Variants in KATNBL1 observed in about 807,000 individuals in gnomAD.
KATNBL1 encodes the protein katanin regulatory subunit B1 like 1, also known as KATNB1-like protein 1.
In KATNBL1, 28 loss-of-function variants were observed where a neutral mutation model predicts 44.7. That is an observed-to-expected ratio of 0.63 (90% CI 0.46 to 0.86). The LOEUF is 0.86. KATNBL1 is among the 40% of genes least tolerant of loss of function. KATNBL1 has a pLI of 0.00. For missense variants in KATNBL1, 272 were observed against 350.7 expected (o/e 0.78, Z 1.79); for synonymous variants, 78 against 114.9 (o/e 0.68, Z 2.06).
At chr15:34,175,815 A>C (rs961593671) in intron 1 of KATNBL1, among the ~76,000 whole-genome samples, 1 of 151,738 alleles carries the variant, frequency 6.6e-6, no homozygotes, top group African/African-American at 2.4e-5. Context: ...CAGTGAGCCC[A>C]GATCACGCCA....
In KATNBL1 at chr15:34,155,920, T is replaced by C. The variant is rs574735909; in HGVS notation, c.118-1236A>G. Among the ~76,000 whole-genome samples the C allele has an allele frequency of 5.9e-5, 9 of 152,334 alleles. No homozygotes were observed. In the South Asian group the frequency reaches 1.2e-3, roughly 21 times the overall value. On this transcript the variant is annotated intron_variant, in intron 2 of 9. Transcript: ENST00000256544. ...TACTCCTCGTGGGACTCTAATTGCA[T>C]CTAAATAAATGTGGGAGTCGAAAGA... is the stretch of plus-strand genomic sequence containing the variant.
At chr15:34,188,975 A>T (rs1458991046) in intron 1 of KATNBL1, among the ~76,000 whole-genome samples, 2 of 152,262 alleles carry the variant, frequency 1.3e-5, no homozygotes, top group Non-Finnish European at 2.9e-5. Flanking sequence ...CAAAGACGTC[A>T]TTACTGACAT....
chr15:34,146,896 A>G, intron 7 of KATNBL1, 46 bp from the exon 8 acceptor site: 2 of 1,170,154 alleles, frequency 1.7e-6, no homozygotes, highest in Non-Finnish European at 2.6e-6. Context: ...TCATCTAAGA[A>G]CCCTTCTTAT....
chr15:34,151,796 TC>T (rs777243539), intron 4 of KATNBL1, among the ~76,000 whole-genome samples: 20 of 152,108 alleles, frequency 1.3e-4, no homozygotes, highest in Non-Finnish European at 2.5e-4. Context: ...TTTCTATCAC[TC>T]TCAAAAACGC....
At chr15:34,152,681 A>T in intron 4 of KATNBL1, 109 bp downstream of exon 4, 1 of 860,170 alleles carries the variant, frequency 1.2e-6, no homozygotes, top group South Asian at 1.8e-5. Flanking sequence ...AAATAAGTCT[A>T]CATTCAATAG....
At chr15:34,142,498 G>A (rs1023430514) in intron 9 of KATNBL1, 127 bp from the exon 10 acceptor site, 6 of 1,029,570 alleles carry the variant, frequency 5.8e-6, no homozygotes, top group African/African-American at 3.3e-5. Context: ...GGTAAAAGAC[G>A]TGCCTTGTTC....
intron 1 of KATNBL1, among the ~76,000 whole-genome samples, chr15:34,172,760 G>GACACACACACACACACACACACACACAC (rs34182114): frequency 6.8e-6 from 1 of 146,426 alleles, no homozygotes; most frequent in South Asian, 2.2e-4. Context: ...CACAGACACA[G>GACACACACACACACACACACACACACAC]ACACACACAC....
intron 1 of KATNBL1, among the ~76,000 whole-genome samples, chr15:34,168,006 G>A (rs367635762): frequency 4.4e-4 from 67 of 152,260 alleles, no homozygotes; most frequent in African/African-American, 1.4e-3. Context: ...AAAGACCATC[G>A]ATGCTATGAA....
intron 1 of KATNBL1, among the ~76,000 whole-genome samples, chr15:34,168,296 T>G (rs1350816163): frequency 6.6e-6 from 1 of 151,974 alleles, no homozygotes; most frequent in Admixed American, 6.6e-5. Flanking sequence ...AGTCCTGGTC[T>G]CTTATAAACA....
Position 34,141,326 on chromosome 15 carries a change from T to C in KATNBL1, c.*1013A>G, listed in dbSNP as rs544768500. The C allele has an allele frequency of 6.5e-6, 1 of 152,752 alleles. No individual in the cohort carries two copies. The highest frequency in any genetic ancestry group is 2.1e-4 in the South Asian group (1 of 4,830). The allele number at this position is 152,752 out of a possible 1,614,324, so 9.5% of individuals were successfully genotyped here. ...GTAAACCATTCTAAATCACTGTATG[T>C]AACTCTTTAAAACATATGTAGTGAA... is the stretch of plus-strand genomic sequence containing the variant. On this transcript the variant is annotated 3_prime_UTR_variant, in exon 10 of 10. Transcript: ENST00000256544.
chr15:34,146,666 A>T, intron 8 of KATNBL1, 95 bp downstream of exon 8: 1 of 747,824 alleles, frequency 1.3e-6, no homozygotes, highest in Non-Finnish European at 2.4e-6. Flanking sequence ...AATACCATAC[A>T]CTGATGATAA....
At chr15:34,190,186 C>A (rs538029554) in intron 1 of KATNBL1, among the ~76,000 whole-genome samples, 1 of 152,114 alleles carries the variant, frequency 6.6e-6, no homozygotes, top group Non-Finnish European at 1.5e-5. Context: ...CCTCGTGATC[C>A]CCCAGCCTCG....
chr15:34,193,236 C>CA (rs869058713), intron 1 of KATNBL1, among the ~76,000 whole-genome samples: 56 of 79,172 alleles, frequency 7.1e-4, no homozygotes, highest in East Asian at 6.8e-3. Flanking sequence ...AAAAAAAAAA[C>CA]AAAAAAAAAA....
chr15:34,142,431 T>C, intron 9 of KATNBL1, 60 bp from the exon 10 acceptor site: 1 of 1,508,872 alleles, frequency 6.6e-7, no homozygotes, highest in Non-Finnish European at 8.9e-7. Flanking sequence ...ACATAAACAA[T>C]CCATTTTTTT....
In KATNBL1 at chr15:34,190,878, C is replaced by T. The variant is rs554429828; in HGVS notation, c.-15+19073G>A. On this transcript the variant is annotated intron_variant, in intron 1 of 9. Coordinates refer to ENST00000256544, the MANE Select transcript of KATNBL1 (RefSeq NM_024713.3). ...CAGAAGACACAGGAACCTGTTAATG[C>T]GACCATGAGGATGCAATTAGAAAAA... Among the ~76,000 whole-genome samples the T allele has an allele frequency of 1.5e-4, 23 of 152,180 alleles. 1 individual carries two copies. In the South Asian group the frequency reaches 3.7e-3, roughly 25 times the overall value.
At chr15:34,205,079 C>T (rs113293508) in intron 1 of KATNBL1, among the ~76,000 whole-genome samples, 2 of 151,836 alleles carry the variant, frequency 1.3e-5, no homozygotes, top group African/African-American at 4.8e-5. Context: ...CTGCAACCTC[C>T]GCCTCCCGGG....
In KATNBL1 at chr15:34,142,674, A is replaced by G. The variant is rs186190294; in HGVS notation, c.883-303T>C. ...ATCAGTGCTGTTTACTATCAGTGCT[A>G]TATTCACTTGAGCCCAGCTTGACAA... On this transcript the variant is annotated intron_variant, in intron 9 of 9. Coordinates refer to ENST00000256544, the MANE Select transcript of KATNBL1 (RefSeq NM_024713.3). 7.1e-4 allele frequency: 223 copies of G among 313,472 alleles called. 1 individual carries two copies. Among genetic ancestry groups the G allele is most frequent in the Non-Finnish European group, 1.0e-3 (170 of 167,764 alleles). The allele number at this position is 313,472 out of a possible 1,614,324, so 19.4% of individuals were successfully genotyped here. A position where few individuals can be genotyped will look rare whatever the true frequency, so the allele number is the denominator to read the frequency against.
At chr15:34,166,378 A>T (rs1888973868) in intron 1 of KATNBL1, among the ~76,000 whole-genome samples, 1 of 152,234 alleles carries the variant, frequency 6.6e-6, no homozygotes, top group African/African-American at 2.4e-5. Context: ...GCAGCCTGGC[A>T]GGGGGAGGGG....
chr15:34,172,253 A>ATTTTTT (rs1260376752), intron 1 of KATNBL1, among the ~76,000 whole-genome samples: 3 of 46,860 alleles, frequency 6.4e-5, no homozygotes, highest in Non-Finnish European at 4.6e-5. Context: ...GGAGGAACAT[A>ATTTTTT]TTCTTTTTTT....
Sources: gnomAD v4.1 joint callset for allele counts (sites outside exome capture counted in the v4.1 genomes callset) on GRCh38, gnomAD v4.1.1 for gene constraint, MANE v1.5 for transcripts, NCBI Gene and HGNC (gene_info 2026-07-23, HGNC 2026-07-21) for gene names.